The following FHOD3 variants were observed in gnomAD, a reference collection of about 807,000 sequenced individuals.
FHOD3 encodes the protein FH1/FH2 domain-containing protein 3.
FHOD3 carries 90 observed loss-of-function variants against 173.0 expected under a neutral mutation model. The ratio of observed to expected loss-of-function variants is 0.52; its 90% confidence interval spans 0.44 to 0.62. The LOEUF (loss-of-function observed/expected upper bound fraction) is 0.62. FHOD3 is among the 20% of genes least tolerant of loss of function. The probability of loss-of-function intolerance (pLI) is 0.00; values close to 1 mark genes in which losing one functional copy is unlikely to be tolerated. For synonymous variants in FHOD3, 828 were observed against 823.0 expected (o/e 1.01, Z -0.10); for missense variants, 1,945 against 2,034.7 (o/e 0.96, Z 0.85).
intron 5 of FHOD3, among the ~76,000 whole-genome samples, chr18:36,554,870 G>T (rs1012352431): frequency 3.9e-5 from 6 of 152,120 alleles, no homozygotes; most frequent in Admixed American, 1.3e-4. Context: ...TTTGTGTAAA[G>T]TTCAGATTTT....
At chr18:36,318,248 C>T (rs1429074794) in intron 1 of FHOD3, among the ~76,000 whole-genome samples, 1 of 148,162 alleles carries the variant, frequency 6.7e-6, no homozygotes, top group Non-Finnish European at 1.5e-5. Context: ...GTAGTTTTTT[C>T]CCAATTCTGT....
At chr18:36,716,421 G>A (rs1029020972) in intron 18 of FHOD3, among the ~76,000 whole-genome samples, 2 of 152,226 alleles carry the variant, frequency 1.3e-5, no homozygotes, top group African/African-American at 4.8e-5. Flanking sequence ...GCAGCAAGAC[G>A]GATTAAGTTG....
chr18:36,535,624 T>G (rs1041801634), intron 5 of FHOD3, among the ~76,000 whole-genome samples: 18 of 152,188 alleles, frequency 1.2e-4, no homozygotes, highest in Non-Finnish European at 2.4e-4. Context: ...AAAATAAATG[T>G]GTTATAGTTA....
intron 5 of FHOD3, among the ~76,000 whole-genome samples, chr18:36,512,973 C>T (rs1021152056): frequency 2.0e-5 from 3 of 152,134 alleles, no homozygotes; most frequent in Non-Finnish European, 4.4e-5. Flanking sequence ...TGTCAAAGTG[C>T]ATATTTTTCA....
chr18:36,376,767 C>T (rs72886015), intron 3 of FHOD3, among the ~76,000 whole-genome samples: 8,218 of 152,306 alleles, frequency 0.054, 366 homozygotes, highest in South Asian at 0.18. Flanking sequence ...AGGCATTTTT[C>T]TCTTGCAGGC....
intron 5 of FHOD3, among the ~76,000 whole-genome samples, chr18:36,518,572 T>C (rs1432871774): frequency 6.6e-6 from 1 of 152,224 alleles, no homozygotes; most frequent in Non-Finnish European, 1.5e-5. Flanking sequence ...TGGCAGCCTG[T>C]GGGGCTGAAT....
chr18:36,581,081 A>C lies in FHOD3; in HGVS notation c.606+4536A>C, dbSNP rs538927511. 7.2e-5 allele frequency among the ~76,000 whole-genome samples: 11 copies of C among 152,398 alleles called. No homozygotes were observed. The South Asian group carries it at 2.3e-3, about 32-fold the overall frequency. ...GCATATTTGCAGATATTTGAGACTC[A>C]TAGCCAGGGGAGAAAATAATGCATT... is the stretch of plus-strand genomic sequence containing the variant. On this transcript the variant is annotated intron_variant, in intron 6 of 28. Transcript: ENST00000590592.
chr18:36,769,557 C>G (rs2043284614), intron 28 of FHOD3, 131 bp downstream of exon 28: 2 of 1,235,860 alleles, frequency 1.6e-6, no homozygotes, highest in East Asian at 5.1e-5. Flanking sequence ...TACTTGCACT[C>G]ATCCACAGAA....
At chr18:36,507,392 G>C (rs999951854) in intron 4 of FHOD3, among the ~76,000 whole-genome samples, 38 of 152,190 alleles carry the variant, frequency 2.5e-4, no homozygotes, top group Non-Finnish European at 4.4e-5. Flanking sequence ...CCATCCTTGA[G>C]ATATGTCATT....
At chr18:36,736,634 G>C (rs2041647623) in intron 20 of FHOD3, among the ~76,000 whole-genome samples, 2 of 152,114 alleles carry the variant, frequency 1.3e-5, no homozygotes, top group Non-Finnish European at 1.5e-5. Flanking sequence ...GCCTCTCTCT[G>C]ACATCAAACG....
At chr18:36,484,764 A>G (rs1331910783) in intron 3 of FHOD3, among the ~76,000 whole-genome samples, 2 of 152,080 alleles carry the variant, frequency 1.3e-5, no homozygotes, top group East Asian at 3.9e-4. Context: ...GGGTGTGGTG[A>G]AGGCTGGGGC....
intron 5 of FHOD3, among the ~76,000 whole-genome samples, chr18:36,557,690 G>A (rs935141983): frequency 2.0e-5 from 3 of 151,886 alleles, no homozygotes; most frequent in African/African-American, 7.3e-5. Context: ...TGTACTTATT[G>A]CATGCTGATA....
chr18:36,533,006 G>A (rs1042686193), intron 5 of FHOD3, among the ~76,000 whole-genome samples: 2 of 152,216 alleles, frequency 1.3e-5, no homozygotes, highest in Non-Finnish European at 2.9e-5. Context: ...CCCACAGTGG[G>A]AGGGGCTTTG....
chr18:36,731,962 G>C (rs895904297), intron 20 of FHOD3, among the ~76,000 whole-genome samples: 4 of 152,196 alleles, frequency 2.6e-5, no homozygotes, highest in African/African-American at 4.8e-5. Context: ...TTGGAAAAAG[G>C]GTCTTGTACA....
intron 1 of FHOD3, among the ~76,000 whole-genome samples, chr18:36,319,090 A>G (rs554559078): frequency 6.6e-6 from 1 of 152,290 alleles, no homozygotes; most frequent in Admixed American, 6.5e-5. Flanking sequence ...ATCATGGCAG[A>G]TAAGCTTTTT....
chr18:36,477,294 TG>T (rs2053624325), intron 3 of FHOD3, among the ~76,000 whole-genome samples: 1 of 152,112 alleles, frequency 6.6e-6, no homozygotes, highest in African/African-American at 2.4e-5. Context: ...GAGTCAATGA[TG>T]GTTTATAAAG....
At chr18:36,751,876 C>A (rs2042416842) in intron 24 of FHOD3, among the ~76,000 whole-genome samples, 1 of 152,118 alleles carries the variant, frequency 6.6e-6, no homozygotes, top group African/African-American at 2.4e-5. Context: ...CAGAGAGGGA[C>A]TGGGGAGAGG....
intron 3 of FHOD3, among the ~76,000 whole-genome samples, chr18:36,463,700 T>C (rs1183827461): frequency 6.6e-6 from 1 of 152,106 alleles, no homozygotes; most frequent in African/African-American, 2.4e-5. Flanking sequence ...TTCACCATGT[T>C]GCCCAGGCTG....
intron 1 of FHOD3, among the ~76,000 whole-genome samples, chr18:36,322,814 T>C (rs28758895): frequency 0.14 from 20,960 of 152,154 alleles, 3,857 homozygotes; most frequent in African/African-American, 0.42. Flanking sequence ...CCCATTTCCC[T>C]GATAGGGTCA....
Sources: gnomAD v4.1 joint callset for allele counts (sites outside exome capture counted in the v4.1 genomes callset) on GRCh38, gnomAD v4.1.1 for gene constraint, MANE v1.5 for transcripts, NCBI Gene and HGNC (gene_info 2026-07-23, HGNC 2026-07-21) for gene names.